SLC22A14: variants seen among roughly 807,000 people sequenced by gnomAD.
SLC22A14 encodes organic cation transporter-like 4.
In SLC22A14, 50 loss-of-function variants were observed where a neutral mutation model predicts 53.9. The ratio of observed to expected loss-of-function variants is 0.93; its 90% CI spans 0.74 to 1.17. The LOEUF (loss-of-function observed/expected upper bound fraction) is 1.17, where lower values mean the gene tolerates loss of function less well. Among genes scored for constraint, SLC22A14 ranks in the 50% most tolerant of loss-of-function variants. The pLI is 0.00. For synonymous variants in SLC22A14, 312 were observed against 303.0 expected (o/e 1.03, Z -0.31); for missense variants, 671 against 734.7 (o/e 0.91, Z 1.00).
At chr3:38,314,119 C>A (rs1414535940) in intron 8 of SLC22A14, among the ~76,000 whole-genome samples, 178 bp downstream of exon 8, 1 of 152,106 alleles carries the variant, frequency 6.6e-6, no homozygotes, top group Non-Finnish European at 1.5e-5. Context: ...ACTGCTCTTC[C>A]TGGGTGGGGT....
At chr3:38,303,360 G>A (rs540588137) in intron 1 of SLC22A14, among the ~76,000 whole-genome samples, 1 of 152,028 alleles carries the variant, frequency 6.6e-6, no homozygotes, top group Non-Finnish European at 1.5e-5. Context: ...CTGTTATAAA[G>A]CACTTAAAGC....
At position 38,307,396 on chromosome 3, in the gene SLC22A14, C is replaced by T. The variant is rs967057230; in HGVS notation, c.620+39C>T. 39 of 1,554,806 alleles carry T rather than the reference C, an allele frequency of 2.5e-5. No individual in the cohort carries two copies. The highest frequency in any genetic ancestry group is 3.3e-5 in the Non-Finnish European group (37 of 1,126,110). ...AGTTTCTGCTGGTCCCCGAGCCATC[C>T]CAACTCCTCCTCATGGGCATTCAGG... On this transcript the variant is annotated intron_variant, in intron 3 of 10. Coordinates refer to ENST00000448498, the MANE Select transcript of SLC22A14 (RefSeq NM_001320033.2). This position sits in a 1 kb window ranked among gnomAD's most constrained non-coding sequence, Gnocchi z 4.4.
intron 1 of SLC22A14, among the ~76,000 whole-genome samples, chr3:38,290,852 A>G (rs991228127): frequency 6.6e-6 from 1 of 152,040 alleles, no homozygotes; most frequent in African/African-American, 2.4e-5. Context: ...TTTGGCTTCA[A>G]TATCTGCTTG....
intron 6 of SLC22A14, 26 bp downstream of exon 6, chr3:38,313,145 G>C: frequency 6.2e-7 from 1 of 1,608,534 alleles, no homozygotes; most frequent in African/African-American, 1.3e-5. Context: ...CCAGGAGTGG[G>C]GCCGGAGCAG....
intron 10 of SLC22A14, among the ~76,000 whole-genome samples, chr3:38,316,897 C>T (rs1415771486): frequency 6.6e-6 from 1 of 152,244 alleles, no homozygotes; most frequent in Admixed American, 6.5e-5. Flanking sequence ...CTGAGTACAT[C>T]TCTTTTCCTG....
rs818823 is a variant in SLC22A14 at position 38,307,458 on chromosome 3, G to C, written c.620+101G>C. ...TCAGGCTGAGGGAGGTGAGGGTAGG[G>C]GTTCTCCAGGGACCCATGGATGGCT... On this transcript the variant is annotated intron_variant, in intron 3 of 10. Coordinates refer to ENST00000448498, the MANE Select transcript of SLC22A14 (RefSeq NM_001320033.2). This position sits in a 1 kb window ranked among gnomAD's most constrained non-coding sequence, Gnocchi z 4.4. The C allele has an allele frequency of 6.5e-7, 1 of 1,539,200 alleles. No individual in the cohort carries two copies. Among genetic ancestry groups the C allele is most frequent in the South Asian group, 1.1e-5 (1 of 89,292 alleles).
intron 10 of SLC22A14, among the ~76,000 whole-genome samples, chr3:38,317,495 A>C (rs983362701): frequency 4.6e-5 from 7 of 152,220 alleles, no homozygotes; most frequent in African/African-American, 1.7e-4. Context: ...TGTCACAGTG[A>C]CAACTGAGTA....
At position 38,307,536 on chromosome 3, in the gene SLC22A14, C is replaced by T; in HGVS notation, c.621-30C>T. The T allele has an allele frequency of 6.2e-7, 1 of 1,609,182 alleles. No individual in the cohort carries two copies. Among genetic ancestry groups the T allele is most frequent in the Non-Finnish European group, 8.5e-7 (1 of 1,177,282 alleles). ...GGGGCCAGCCCGGGAGATCCCGGCA[C>T]TTGGTGCAGCCTCCCTTTGACACCT... On this transcript the variant is annotated intron_variant, in intron 3 of 10. Coordinates refer to ENST00000448498, the MANE Select transcript of SLC22A14 (RefSeq NM_001320033.2). This position sits in a 1 kb window ranked among gnomAD's most constrained non-coding sequence, Gnocchi z 4.4.
In SLC22A14 at chr3:38,318,518, T is replaced by G. The variant is rs1704682713; in HGVS notation, c.*269T>G. On this transcript the variant is annotated 3_prime_UTR_variant, in exon 11 of 11. Transcript: ENST00000448498. Reference sequence around the variant, plus strand: ...CCTTGACATTAAAAAAAATGCCCCCTCCTTCTGCAGGAGCTCTGCTGTGAT... The same window carrying G: ...CCTTGACATTAAAAAAAATGCCCCCGCCTTCTGCAGGAGCTCTGCTGTGAT... 2 of 420,554 alleles carry G rather than the reference T, an allele frequency of 4.8e-6. No homozygotes were observed. The highest frequency in any genetic ancestry group is 2.0e-5 in the African/African-American group (1 of 50,400). The allele number at this position is 420,554 out of a possible 1,614,324, so 26.1% of individuals were successfully genotyped here.
At chr3:38,295,387 C>T (rs1201587049) in intron 1 of SLC22A14, among the ~76,000 whole-genome samples, 1 of 152,204 alleles carries the variant, frequency 6.6e-6, no homozygotes, top group Non-Finnish European at 1.5e-5. Context: ...CTAAAAGTTA[C>T]TTTTCTACTT....
In SLC22A14 at chr3:38,316,467, T is replaced by C; in HGVS notation, c.1676T>C (p.Leu559Pro). 3 of 1,614,076 alleles carry C rather than the reference T, an allele frequency of 1.9e-6. No individual in the cohort carries two copies. The highest frequency in any genetic ancestry group is 2.2e-5 in the East Asian group (1 of 44,872). ...AIVAFSLSSL[L>P]PETRDQPLSE... The stretch of plus-strand genomic sequence containing the variant: ...GTGGCCTTTTCCCTCTCCTCCCTGC[T>C]GCCGGAAACGCGAGATCAGCCCCTC... The change falls in exon 10 of 11, where the codon CTG (leucine) becomes CCG (proline). Residue 559 changes from leucine to proline, a missense_variant. Leu to Pro is a moderately conservative substitution (Grantham distance 98, BLOSUM62 -3). Coordinates refer to ENST00000448498, the MANE Select transcript of SLC22A14 (RefSeq NM_001320033.2).
At chr3:38,288,487 A>AT (rs1703838529) in intron 1 of SLC22A14, among the ~76,000 whole-genome samples, 1 of 152,080 alleles carries the variant, frequency 6.6e-6, no homozygotes, top group Non-Finnish European at 1.5e-5. Context: ...CCTATTTTTA[A>AT]TTTTTTTAGG....
At chr3:38,299,508 G>T (rs1654314359) in intron 1 of SLC22A14, among the ~76,000 whole-genome samples, 1 of 152,172 alleles carries the variant, frequency 6.6e-6, no homozygotes, top group African/African-American at 2.4e-5. Context: ...ATATGGTCTG[G>T]AAATCATTCC....
intron 10 of SLC22A14, among the ~76,000 whole-genome samples, chr3:38,317,146 A>C (rs1186988198): frequency 6.6e-6 from 1 of 152,108 alleles, no homozygotes; most frequent in Non-Finnish European, 1.5e-5. Flanking sequence ...ACCTGAGGGG[A>C]CCTGAGCGCC....
In SLC22A14 at chr3:38,311,138, G is replaced by A. The variant is rs190553069; in HGVS notation, c.945-1861G>A. Reference sequence around the variant, plus strand: ...CTCGAGTAGATGAGAGTTGTATGGGGAGTGAGGAGGAGAGATTCAAGACCC... The same window carrying A: ...CTCGAGTAGATGAGAGTTGTATGGGAAGTGAGGAGGAGAGATTCAAGACCC... On this transcript the variant is annotated intron_variant, in intron 5 of 10. Coordinates refer to ENST00000448498, the MANE Select transcript of SLC22A14 (RefSeq NM_001320033.2). Among the ~76,000 whole-genome samples the A allele has an allele frequency of 4.5e-3, 691 of 152,274 alleles. 6 individuals carry two copies. The highest frequency in any genetic ancestry group is 6.8e-3 in the Middle Eastern group (2 of 294).
At chr3:38,289,195 A>T (rs1703856226) in intron 1 of SLC22A14, among the ~76,000 whole-genome samples, 1 of 151,586 alleles carries the variant, frequency 6.6e-6, no homozygotes, top group African/African-American at 2.4e-5. Context: ...AAAAAAAAAA[A>T]AAAAAAAAAA....
intron 1 of SLC22A14, among the ~76,000 whole-genome samples, chr3:38,289,998 G>A (rs1266397800): frequency 6.6e-6 from 1 of 152,146 alleles, no homozygotes; most frequent in Non-Finnish European, 1.5e-5. Context: ...ATAGATGATT[G>A]GCTATTTCTT....
chr3:38,293,037 T>C (rs543961667), intron 1 of SLC22A14, among the ~76,000 whole-genome samples: 1 of 152,160 alleles, frequency 6.6e-6, no homozygotes, highest in African/African-American at 2.4e-5. Context: ...TGGCCCTCAA[T>C]GGTCAAGCAT....
intron 1 of SLC22A14, among the ~76,000 whole-genome samples, chr3:38,299,114 TATG>T (rs1226060653): frequency 1.3e-5 from 2 of 152,340 alleles, no homozygotes; most frequent in Non-Finnish European, 2.9e-5. Flanking sequence ...TCAATGCAGT[TATG>T]ATGTTTATTT....
Sources: gnomAD v4.1 joint callset for allele counts (sites outside exome capture counted in the v4.1 genomes callset) on GRCh38, gnomAD v4.1.1 for gene constraint, Gnocchi (gnomAD v3.1) non-coding constraint, MANE v1.5 for transcripts, NCBI Gene and HGNC (gene_info 2026-07-23, HGNC 2026-07-21) for gene names.